Variants in NALF1 observed in about 807,000 individuals in gnomAD.
The protein encoded by NALF1 is family with sequence similarity 155 member A.
A neutral mutation model predicts 48.4 loss-of-function variants in NALF1; 3 were observed. That is an observed-to-expected ratio of 0.06 (90% CI 0.03 to 0.16). NALF1 has a LOEUF of 0.16. Ranked by LOEUF, NALF1 falls within the 10% of genes least tolerant of loss-of-function variation. The pLI is 1.00. For synonymous variants in NALF1, 262 were observed against 245.7 expected (o/e 1.07, Z -0.62); for missense variants, 526 against 571.5 (o/e 0.92, Z 0.81).
chr13:107,793,477 T>G (rs1390363723), intron 1 of NALF1, among the ~76,000 whole-genome samples: 1 of 152,168 alleles, frequency 6.6e-6, no homozygotes, highest in Non-Finnish European at 1.5e-5. Context: ...CCATGCAAAA[T>G]GCTATTGTGA....
chr13:107,614,344 C>T (rs1241166684), intron 1 of NALF1, among the ~76,000 whole-genome samples: 1 of 152,078 alleles, frequency 6.6e-6, no homozygotes, highest in Non-Finnish European at 1.5e-5. Context: ...TTAAACAGGC[C>T]AGGTGTTGTC....
chr13:107,202,411 A>G (rs998773156), intron 2 of NALF1, among the ~76,000 whole-genome samples: 3 of 149,676 alleles, frequency 2.0e-5, no homozygotes, highest in Non-Finnish European at 4.4e-5. Flanking sequence ...ATTATATATT[A>G]TAAAATAGCT....
At chr13:107,759,048 C>T (rs1877194561) in intron 1 of NALF1, among the ~76,000 whole-genome samples, 1 of 151,990 alleles carries the variant, frequency 6.6e-6, no homozygotes, top group Middle Eastern at 3.2e-3. Context: ...GTATAAGGTG[C>T]TTGTAGATTT....
At chr13:107,321,965 T>G (rs1307956838) in intron 1 of NALF1, among the ~76,000 whole-genome samples, 1 of 152,118 alleles carries the variant, frequency 6.6e-6, no homozygotes, top group Non-Finnish European at 1.5e-5. Flanking sequence ...CTTAACCCCT[T>G]AGTTTCTGGT....
At chr13:107,751,512 G>C (rs1189652942) in intron 1 of NALF1, among the ~76,000 whole-genome samples, 2 of 152,136 alleles carry the variant, frequency 1.3e-5, no homozygotes, top group African/African-American at 4.8e-5. Context: ...TCAACTCACT[G>C]CATACATGCA....
chr13:107,770,843 T>C (rs1440993693), intron 1 of NALF1, among the ~76,000 whole-genome samples: 1 of 152,218 alleles, frequency 6.6e-6, no homozygotes, highest in African/African-American at 2.4e-5. Context: ...CCTTTTGAAA[T>C]AACTTGCTGA....
intron 1 of NALF1, among the ~76,000 whole-genome samples, chr13:107,756,010 T>C (rs373915201): frequency 2.6e-5 from 4 of 152,202 alleles, no homozygotes; most frequent in South Asian, 2.1e-4. Context: ...GAGCTTGGTA[T>C]ATTCACAGTA....
At chr13:107,521,627 T>C (rs1594107792) in intron 1 of NALF1, among the ~76,000 whole-genome samples, 1 of 152,178 alleles carries the variant, frequency 6.6e-6, no homozygotes, top group Non-Finnish European at 1.5e-5. Context: ...AATTATGCTT[T>C]GCTTTTGTCT....
chr13:107,494,203 C>A (rs1255088059), intron 1 of NALF1, among the ~76,000 whole-genome samples: 4 of 138,272 alleles, frequency 2.9e-5, no homozygotes, highest in African/African-American at 1.4e-4. Context: ...AACCGGTAGG[C>A]GAAAATTACC....
At chr13:107,353,120 A>T (rs1489581472) in intron 1 of NALF1, among the ~76,000 whole-genome samples, 1 of 152,054 alleles carries the variant, frequency 6.6e-6, no homozygotes, top group Non-Finnish European at 1.5e-5. Context: ...TCTCAAAAAA[A>T]TTGTCTGCAG....
Position 107,169,256 on chromosome 13 carries a change from G to C in NALF1, c.*1241C>G, listed in dbSNP as rs1320552220. 1 of 152,184 alleles carries C rather than the reference G, an allele frequency of 6.6e-6. No homozygotes were observed. Among genetic ancestry groups the C allele is most frequent in the Non-Finnish European group, 1.5e-5 (1 of 68,032 alleles). The allele number at this position is 152,184 out of a possible 1,614,324, so 9.4% of individuals were successfully genotyped here. On this transcript the variant is annotated 3_prime_UTR_variant, in exon 3 of 3. Transcript: ENST00000375915. ...GAAGTTGTTCCTCTGTGATAATGCA[G>C]AATTGCATACACTGTATACCTGGAA...
At chr13:107,365,218 G>A (rs1239632101) in intron 1 of NALF1, among the ~76,000 whole-genome samples, 2 of 151,530 alleles carry the variant, frequency 1.3e-5, no homozygotes, top group Admixed American at 6.6e-5. Flanking sequence ...GTGCTCAGGC[G>A]ACGTTTGAAA....
At chr13:107,790,061 CA>C (rs1201830415) in intron 1 of NALF1, among the ~76,000 whole-genome samples, 1 of 152,124 alleles carries the variant, frequency 6.6e-6, no homozygotes, top group Non-Finnish European at 1.5e-5. Context: ...TCTTACAATG[CA>C]AAACCATCAA....
rs549503900 is a variant in NALF1, at chr13:107,264,093, C to T, written c.916-53338G>A. The stretch of plus-strand genomic sequence containing the variant: ...GTGTCTTTAAATCTTTTTCTCCATT[C>T]GTGATATTCAAATCCCCCAGTGTGA... On this transcript the variant is annotated intron_variant, in intron 1 of 2. Transcript: ENST00000375915. Among the ~76,000 whole-genome samples, 9 of 152,242 alleles carry T rather than the reference C, an allele frequency of 5.9e-5. 1 individual carries two copies. The East Asian group carries it at 9.6e-4, about 16-fold the overall frequency.
chr13:107,733,705 C>A (rs566957086), intron 1 of NALF1, among the ~76,000 whole-genome samples: 18 of 152,158 alleles, frequency 1.2e-4, no homozygotes, highest in African/African-American at 4.1e-4. Context: ...AGGAATATCT[C>A]ATGGCATTAA....
chr13:107,355,895 A>G (rs1432292424), intron 1 of NALF1, among the ~76,000 whole-genome samples: 1 of 152,212 alleles, frequency 6.6e-6, no homozygotes, highest in African/African-American at 2.4e-5. Flanking sequence ...AGATTTTAAT[A>G]TGGTAGGACA....
In NALF1 at chr13:107,773,785, G is replaced by C. The variant is rs905069724; in HGVS notation, c.915+91897C>G. On this transcript the variant is annotated intron_variant, in intron 1 of 2. Transcript: ENST00000375915. ...GGAGATATACCTAATGCTAAATGAC[G>C]AGTAAATGGGTGTAGCACACCAACA... is the stretch of plus-strand genomic sequence containing the variant. 2.0e-5 allele frequency among the ~76,000 whole-genome samples: 3 copies of C among 150,386 alleles called. No individual in the cohort carries two copies. In the East Asian group the frequency reaches 5.9e-4, roughly 30 times the overall value.
chr13:107,777,019 G>C (rs1877753216), intron 1 of NALF1, among the ~76,000 whole-genome samples: 1 of 152,082 alleles, frequency 6.6e-6, no homozygotes, highest in Admixed American at 6.5e-5. Context: ...TTGTGCCCAG[G>C]AGGTTGAAGC....
intron 1 of NALF1, among the ~76,000 whole-genome samples, chr13:107,227,477 A>C (rs967960135): frequency 1.3e-5 from 2 of 152,266 alleles, no homozygotes; most frequent in African/African-American, 2.4e-5. Flanking sequence ...GTGATTAAGA[A>C]TGAACTTGAA....
Sources: gnomAD v4.1 joint callset for allele counts (sites outside exome capture counted in the v4.1 genomes callset) on GRCh38, gnomAD v4.1.1 for gene constraint, MANE v1.5 for transcripts, NCBI Gene and HGNC (gene_info 2026-07-23, HGNC 2026-07-21) for gene names.